NHLRC2: variants seen among roughly 807,000 people sequenced by gnomAD.
NHLRC2 encodes the protein NHL repeat-containing protein 2.
NHLRC2 carries 33 observed loss-of-function variants against 68.1 expected under a neutral mutation model. That is an observed-to-expected ratio of 0.48 (90% CI 0.37 to 0.65). The LOEUF (loss-of-function observed/expected upper bound fraction) is 0.65, where lower values mean the gene tolerates loss of function less well. NHLRC2 is among the 30% of genes least tolerant of loss of function. NHLRC2 has a pLI of 0.00. For missense variants in NHLRC2, 761 were observed against 853.8 expected (o/e 0.89, Z 1.35); for synonymous variants, 311 against 309.6 (o/e 1.00, Z -0.05).
intron 4 of NHLRC2, among the ~76,000 whole-genome samples, chr10:113,880,456 G>T (rs78988533): frequency 1.3e-5 from 2 of 151,406 alleles, no homozygotes; most frequent in African/African-American, 4.8e-5. Context: ...CCTGATGGTT[G>T]TTTTGGCTAA....
intron 5 of NHLRC2, among the ~76,000 whole-genome samples, chr10:113,894,863 A>G (rs1239610440): frequency 6.6e-6 from 1 of 152,062 alleles, no homozygotes; most frequent in Non-Finnish European, 1.5e-5. Context: ...TCCCCTTCCT[A>G]TAATACATTT....
intron 2 of NHLRC2, among the ~76,000 whole-genome samples, chr10:113,860,889 A>G (rs1404410612): frequency 6.6e-6 from 1 of 152,226 alleles, no homozygotes; most frequent in Non-Finnish European, 1.5e-5. Flanking sequence ...GTAGCACAGC[A>G]GATGGTCCCT....
chr10:113,910,409 G>A lies in NHLRC2; in HGVS notation c.*1873G>A, dbSNP rs1378721610. On this transcript the variant is annotated 3_prime_UTR_variant, in exon 11 of 11. Transcript: ENST00000369301. ...GTAGAGACAGGGTTTCACCATGTCA[G>A]TCAGGCTGGTCCCAAACTCCTGGCC... 6.6e-6 allele frequency: 1 copy of A among 152,166 alleles called. No individual in the cohort carries two copies. The highest frequency in any genetic ancestry group is 1.9e-4 in the East Asian group (1 of 5,196). 9.4% of individuals were successfully genotyped at this position (152,166 alleles called of 1,614,324 possible).
In NHLRC2 at chr10:113,911,888, T is replaced by C. The variant is rs755446436; in HGVS notation, c.*3352T>C. The C allele has an allele frequency of 2.6e-5, 4 of 151,982 alleles. No individual in the cohort carries two copies. The highest frequency in any genetic ancestry group is 5.9e-5 in the Non-Finnish European group (4 of 67,944). The allele number at this position is 151,982 out of a possible 1,614,324, so 9.4% of individuals were successfully genotyped here. ...ATTCTACTTTGCTGTTTTTTTTTTC[T>C]TTTCAGTGAGCAATCTGTTATTTTT... On this transcript the variant is annotated 3_prime_UTR_variant, in exon 11 of 11. Coordinates refer to ENST00000369301, the MANE Select transcript of NHLRC2 (RefSeq NM_198514.4).
intron 2 of NHLRC2, among the ~76,000 whole-genome samples, chr10:113,865,201 G>A (rs1449124818): frequency 1.3e-5 from 2 of 151,734 alleles, no homozygotes; most frequent in Non-Finnish European, 1.5e-5. Context: ...CGCCTGCCTC[G>A]GCCTCCCAAA....
chr10:113,899,540 TGTG>T (rs1314330829), intron 6 of NHLRC2, among the ~76,000 whole-genome samples: 1 of 152,178 alleles, frequency 6.6e-6, no homozygotes, highest in Non-Finnish European at 1.5e-5. Flanking sequence ...AATGAAAAGA[TGTG>T]GTTGTCATCA....
chr10:113,905,757 G>A (rs971815904), intron 10 of NHLRC2, among the ~76,000 whole-genome samples: 1 of 151,948 alleles, frequency 6.6e-6, no homozygotes, highest in African/African-American at 2.4e-5. Context: ...CCAAATCCTG[G>A]GTAATTCATT....
chr10:113,877,855 T>G (rs891672696), intron 3 of NHLRC2, among the ~76,000 whole-genome samples: 2 of 152,186 alleles, frequency 1.3e-5, no homozygotes, highest in African/African-American at 4.8e-5. Flanking sequence ...TTTTGTGGTG[T>G]TTGTTTTGTT....
chr10:113,858,612 A>C lies in NHLRC2; in HGVS notation c.263A>C (p.Tyr88Ser), dbSNP rs796200411. The C allele has an allele frequency of 6.2e-7, 1 of 1,609,652 alleles. No individual in the cohort carries two copies. Among genetic ancestry groups the C allele is most frequent in the Non-Finnish European group, 8.5e-7 (1 of 1,175,946 alleles). The change falls in exon 2 of 11, where the codon TAC becomes TCC. Residue 88 changes from tyrosine (Y) to serine (S), a missense_variant. Physicochemically the swap from Tyr to Ser is moderately radical, Grantham distance 144. Coordinates refer to ENST00000369301, the MANE Select transcript of NHLRC2 (RefSeq NM_198514.4). Reference sequence around the variant, plus strand: ...ATAGTCGTCCTTGATTTCTTCACCTACTGCTGCATAAACTGTATTCACCTA... The same window carrying C: ...ATAGTCGTCCTTGATTTCTTCACCTCCTGCTGCATAAACTGTATTCACCTA... ...GKIVVLDFFTYCCINCIHLLP... is the reference protein window; with the variant it reads ...GKIVVLDFFTSCCINCIHLLP...
At chr10:113,884,773 G>T (rs903855443) in intron 5 of NHLRC2, among the ~76,000 whole-genome samples, 20 of 151,462 alleles carry the variant, frequency 1.3e-4, no homozygotes, top group African/African-American at 4.6e-4. Context: ...GGAACTTATA[G>T]TGTCATTATA....
At chr10:113,865,237 C>T (rs1293456702) in intron 2 of NHLRC2, among the ~76,000 whole-genome samples, 1 of 151,932 alleles carries the variant, frequency 6.6e-6, no homozygotes, top group Admixed American at 6.6e-5. Context: ...GTGTGAGCCA[C>T]CGCGCCCGGC....
chr10:113,866,738 C>G (rs1845871297), intron 2 of NHLRC2, among the ~76,000 whole-genome samples: 1 of 151,792 alleles, frequency 6.6e-6, no homozygotes, highest in African/African-American at 2.4e-5. Flanking sequence ...GCCTGCCCGC[C>G]TCCCCGCCTC....
chr10:113,878,271 CT>C (rs553131615), intron 3 of NHLRC2, among the ~76,000 whole-genome samples: 9 of 151,660 alleles, frequency 5.9e-5, no homozygotes, highest in Non-Finnish European at 1.3e-4. Flanking sequence ...AGAACTCTCC[CT>C]TTTTTTTCAG....
At chr10:113,906,598 GTGATATA>G (rs1258252971) in intron 10 of NHLRC2, among the ~76,000 whole-genome samples, 1 of 151,128 alleles carries the variant, frequency 6.6e-6, no homozygotes, top group African/African-American at 2.4e-5. Flanking sequence ...AATTGTGTGT[GTGATATA>G]TATGACAAAT....
chr10:113,872,154 A>G (rs534778800), intron 2 of NHLRC2, among the ~76,000 whole-genome samples: 3 of 152,232 alleles, frequency 2.0e-5, no homozygotes, highest in East Asian at 1.9e-4. Context: ...TCAGAGAAGC[A>G]TTGCTCCTGG....
chr10:113,876,760 A>G lies in NHLRC2; in HGVS notation c.571A>G (p.Thr191Ala). 1 of 1,610,598 alleles carries G rather than the reference A, an allele frequency of 6.2e-7. No homozygotes were observed. Among genetic ancestry groups the G allele is most frequent in the Non-Finnish European group, 8.5e-7 (1 of 1,176,944 alleles). ...ACACAAAGATAAATTATTTTTATAT[A>G]CTTCAATTGCTTTAAAGTATTACAA... ...EGHKDKLFLY[T>A]SIALKYYKDR... The change falls in exon 3 of 11, where the codon ACT (threonine) becomes GCT (alanine). Residue 191 changes from threonine to alanine, a missense_variant. Transcript: ENST00000369301.
chr10:113,866,363 ACTT>A (rs2134694464), intron 2 of NHLRC2, among the ~76,000 whole-genome samples: 1 of 152,300 alleles, frequency 6.6e-6, no homozygotes, highest in African/African-American at 2.4e-5. Context: ...CTACTTGAGA[ACTT>A]CTAAGTTTTT....
intron 2 of NHLRC2, among the ~76,000 whole-genome samples, chr10:113,867,429 T>C (rs955560391): frequency 6.6e-5 from 10 of 152,396 alleles, no homozygotes; most frequent in African/African-American, 2.4e-4. Flanking sequence ...TTTGATTGGC[T>C]TTCAAATTTG....
chr10:113,859,373 T>C (rs983897274), intron 2 of NHLRC2, among the ~76,000 whole-genome samples: 1 of 152,080 alleles, frequency 6.6e-6, no homozygotes, highest in Non-Finnish European at 1.5e-5. Flanking sequence ...TTCAAGTGAA[T>C]TGAAGCACTA....
Sources: gnomAD v4.1 joint callset for allele counts (sites outside exome capture counted in the v4.1 genomes callset) on GRCh38, gnomAD v4.1.1 for gene constraint, MANE v1.5 for transcripts, NCBI Gene and HGNC (gene_info 2026-07-23, HGNC 2026-07-21) for gene names.